CACNB2: variants seen among roughly 807,000 people sequenced by gnomAD.
CACNB2 encodes the protein calcium voltage-gated channel auxiliary subunit beta 2.
A neutral mutation model predicts 73.3 loss-of-function variants in CACNB2; 42 were observed. That is an observed-to-expected ratio of 0.57 (90% CI 0.45 to 0.74). The LOEUF is 0.74. Among genes scored for constraint, CACNB2 ranks in the 30% least tolerant of loss-of-function variants. The pLI is 0.00. For missense variants in CACNB2, 940 were observed against 853.0 expected, an observed-to-expected ratio of 1.10 and a Z score of -1.27; for synonymous variants, 348 against 310.3, an observed-to-expected ratio of 1.12 and a Z score of -1.28.
Position 18,518,923 on chromosome 10 carries a change from T to C in CACNB2, c.899T>C (p.Met300Thr), listed in dbSNP as rs1564644091. The change falls in exon 9 of 14, where the codon ATG (methionine) becomes ACG (threonine). Residue 300 changes from methionine (M) to threonine (T), a missense_variant. Met to Thr is a moderately conservative substitution (Grantham distance 81). Coordinates refer to ENST00000324631, the MANE Select transcript of CACNB2 (RefSeq NM_201596.3). ...GCTCAATTGCAGGTCACAGATATGA[T>C]GCAAAAAGCGCTGTTTGATTTTTTA... The part of the protein sequence containing the change: ...SLKGYEVTDM[M>T]QKALFDFLKH... The C allele has an allele frequency of 3.1e-6, 5 of 1,613,922 alleles. No individual in the cohort carries two copies. The highest frequency in any genetic ancestry group is 4.2e-6 in the Non-Finnish European group (5 of 1,179,842).
intron 2 of CACNB2, among the ~76,000 whole-genome samples, chr10:18,179,219 A>G (rs1024372543): frequency 6.6e-6 from 1 of 152,228 alleles, no homozygotes; most frequent in South Asian, 2.1e-4. Flanking sequence ...TAGTAAACAT[A>G]TATGAGGAAG....
intron 3 of CACNB2, among the ~76,000 whole-genome samples, chr10:18,471,664 A>G (rs560524698): frequency 6.6e-6 from 1 of 152,152 alleles, no homozygotes; most frequent in Admixed American, 6.6e-5. Context: ...TCCTGTCTCT[A>G]CCACATGTAA....
intron 2 of CACNB2, among the ~76,000 whole-genome samples, chr10:18,186,711 T>C (rs1418207004): frequency 2.0e-5 from 3 of 152,108 alleles, no homozygotes; most frequent in Non-Finnish European, 4.4e-5. Flanking sequence ...CCAAGAGAGA[T>C]GGTGCTAAGC....
At chr10:18,428,600 C>A (rs898537822) in intron 3 of CACNB2, among the ~76,000 whole-genome samples, 1 of 151,384 alleles carries the variant, frequency 6.6e-6, no homozygotes, top group African/African-American at 2.4e-5. Context: ...GTATGAGAAT[C>A]GCTTGAATTC....
intron 2 of CACNB2, among the ~76,000 whole-genome samples, chr10:18,396,704 C>T (rs1272896304): frequency 1.3e-5 from 2 of 152,218 alleles, no homozygotes; most frequent in Non-Finnish European, 2.9e-5. Flanking sequence ...CTCCTGACCA[C>T]AGGTGATCCA....
chr10:18,252,623 A>G (rs182018634), intron 2 of CACNB2, among the ~76,000 whole-genome samples: 3 of 152,282 alleles, frequency 2.0e-5, no homozygotes, highest in Middle Eastern at 3.4e-3. Flanking sequence ...TTCTGAAACA[A>G]GGTGAGGAAT....
At chr10:18,426,457 T>A (rs1166715005) in intron 3 of CACNB2, among the ~76,000 whole-genome samples, 1 of 152,242 alleles carries the variant, frequency 6.6e-6, no homozygotes, top group South Asian at 2.1e-4. Flanking sequence ...TCAGTCTTTC[T>A]AAACTTATTA....
At chr10:18,255,867 C>T (rs1373415761) in intron 2 of CACNB2, among the ~76,000 whole-genome samples, 3 of 152,180 alleles carry the variant, frequency 2.0e-5, no homozygotes, top group Non-Finnish European at 4.4e-5. Flanking sequence ...TTCAGTTCTG[C>T]TACAGAAGGC....
chr10:18,144,857 C>T (rs2030798447), intron 1 of CACNB2, among the ~76,000 whole-genome samples: 1 of 152,224 alleles, frequency 6.6e-6, no homozygotes, highest in African/African-American at 2.4e-5. Context: ...TATATTTGGC[C>T]ATATGACATT....
At chr10:18,280,811 G>A (rs541485408) in intron 2 of CACNB2, among the ~76,000 whole-genome samples, 1 of 152,176 alleles carries the variant, frequency 6.6e-6, no homozygotes, top group Non-Finnish European at 1.5e-5. Flanking sequence ...ATGTATTGAT[G>A]TATTGATCAC....
At position 18,541,313 on chromosome 10, in the gene CACNB2, T is replaced by C. The variant is rs2054056027; in HGVS notation, c.*1589T>C. The stretch of plus-strand genomic sequence containing the variant: ...GAATAAAATGTTAAGAATATTATCC[T>C]ACATAAGACATGTACACAGAAGGGG... On this transcript the variant is annotated 3_prime_UTR_variant, in exon 14 of 14. Transcript: ENST00000324631. The C allele has an allele frequency of 6.6e-6, 1 of 152,654 alleles. No homozygotes were observed. The highest frequency in any genetic ancestry group is 2.4e-5 in the African/African-American group (1 of 41,464). 9.5% of individuals were successfully genotyped at this position (152,654 alleles called of 1,614,324 possible).
chr10:18,466,532 T>C (rs981784933), intron 3 of CACNB2, among the ~76,000 whole-genome samples: 20 of 152,140 alleles, frequency 1.3e-4, no homozygotes, highest in African/African-American at 4.8e-4. Context: ...GGTTTTTTGG[T>C]CATGGTTGTT....
intron 3 of CACNB2, among the ~76,000 whole-genome samples, chr10:18,480,441 T>C (rs60110333): frequency 1.3e-5 from 2 of 152,318 alleles, no homozygotes; most frequent in South Asian, 4.1e-4. Context: ...TTGTAAAACT[T>C]AAGTGCAATG....
chr10:18,454,259 A>G (rs138356129), intron 3 of CACNB2, among the ~76,000 whole-genome samples: 140 of 152,332 alleles, frequency 9.2e-4, no homozygotes, highest in African/African-American at 3.3e-3. Flanking sequence ...TGATATCTAC[A>G]GATTTCAAGG....
chr10:18,484,200 C>T (rs542820760), intron 3 of CACNB2, among the ~76,000 whole-genome samples: 16 of 152,254 alleles, frequency 1.1e-4, no homozygotes, highest in African/African-American at 1.7e-4. Flanking sequence ...TCAAGACCAG[C>T]CTGGTCAACA....
At chr10:18,153,059 C>T (rs1271819650) in intron 2 of CACNB2, among the ~76,000 whole-genome samples, 2 of 152,126 alleles carry the variant, frequency 1.3e-5, no homozygotes, top group Non-Finnish European at 2.9e-5. Context: ...TGTTTTTCTT[C>T]ACGGTAATTT....
At chr10:18,174,718 C>G (rs966486483) in intron 2 of CACNB2, among the ~76,000 whole-genome samples, 3 of 152,010 alleles carry the variant, frequency 2.0e-5, no homozygotes, top group African/African-American at 7.2e-5. Flanking sequence ...CATTTTATTT[C>G]TGACTTGAGA....
At chr10:18,298,547 T>G (rs565851565) in intron 2 of CACNB2, among the ~76,000 whole-genome samples, 1 of 152,254 alleles carries the variant, frequency 6.6e-6, no homozygotes, top group South Asian at 2.1e-4. Flanking sequence ...TTCCCTAAAA[T>G]CAAGAGGTGA....
intron 3 of CACNB2, among the ~76,000 whole-genome samples, chr10:18,488,500 GAAAAT>G (rs2049204663): frequency 2.5e-5 from 2 of 80,960 alleles, no homozygotes; most frequent in South Asian, 8.6e-4. Flanking sequence ...AAAAAAAAAA[GAAAAT>G]CAGGATTTGA....
Sources: allele counts gnomAD v4.1 joint callset (sites outside exome capture counted in the v4.1 genomes callset), GRCh38; gene constraint gnomAD v4.1.1; transcripts MANE v1.5; gene names NCBI Gene and HGNC (gene_info 2026-07-23, HGNC 2026-07-21).